Variants in WHRN observed in about 807,000 individuals in gnomAD.
The protein encoded by WHRN is whirlin.
In WHRN, 41 loss-of-function variants were observed where a neutral mutation model predicts 68.3. That is an observed-to-expected ratio of 0.60 (90% CI 0.47 to 0.78). The LOEUF (loss-of-function observed/expected upper bound fraction) is 0.78, where lower values mean the gene tolerates loss of function less well. Ranked by LOEUF, WHRN falls within the 30% of genes least tolerant of loss-of-function variation. The pLI, the probability that WHRN is intolerant of heterozygous loss-of-function variation, is 0.00. For missense variants in WHRN, 1,243 were observed against 1,244.7 expected, an observed-to-expected ratio of 1.00 and a Z score of 0.02; for synonymous variants, 560 against 561.3, an observed-to-expected ratio of 1.00 and a Z score of 0.03.
Position 114,445,885 on chromosome 9 carries a change from C to T in WHRN, c.964-19472G>A, listed in dbSNP as rs117025538. On this transcript the variant is annotated intron_variant, in intron 3 of 11. Coordinates refer to ENST00000362057, the MANE Select transcript of WHRN (RefSeq NM_015404.4). ...TTTAAATCCTGATTTCAATTAGAAA[C>T]AGCTAAATGCCTGACTTCAAGGGAA... Among the ~76,000 whole-genome samples the T allele has an allele frequency of 9.2e-5, 14 of 152,240 alleles. 1 individual carries two copies. The East Asian group carries it at 2.7e-3, about 29-fold the overall frequency.
At chr9:114,500,020 TGATTTAAAGAG>T (rs1279191915) in intron 1 of WHRN, among the ~76,000 whole-genome samples, 1 of 152,364 alleles carries the variant, frequency 6.6e-6, no homozygotes, top group East Asian at 1.9e-4. Flanking sequence ...AATGCTTCTT[TGATTTAAAGAG>T]TAAATAACCA....
rs1319804059 is a variant in WHRN, at chr9:114,423,409, G to A, written c.1531C>T (p.Pro511Ser). 2 of 1,613,928 alleles carry A rather than the reference G, an allele frequency of 1.2e-6. No homozygotes were observed. The highest frequency in any genetic ancestry group is 1.3e-5 in the African/African-American group (1 of 74,878). Residue 511 changes from proline (P) to serine (S), a missense_variant, in exon 7 of 12, where the codon CCC (proline) becomes TCC (serine). By Grantham distance (74) the Pro-to-Ser change is moderately conservative. Transcript: ENST00000362057. The part of the protein sequence containing the change: ...ESMKARQPPG[P>S]GAGDTYSMVS... ...ATGGAGTAGGTGTCCCCAGCCCCGG[G>A]GCCTGGGGGCTGCCGCGCCTTCATG...
At position 114,403,222 on chromosome 9, in the gene WHRN, T is replaced by A; in HGVS notation, c.2536A>T (p.Ile846Phe). ...TGGGGCCCCTGGGGACATACCTGAATAGTGACAATCCTAGGCAGGGGCTGG... is the reference window on the plus strand; with the variant it reads ...TGGGGCCCCTGGGGACATACCTGAAAAGTGACAATCCTAGGCAGGGGCTGG... ...TRQPLPRIVT[I>F]QRGGSAHNCG... The change falls in exon 11 of 12, where the codon ATT (isoleucine) becomes TTT (phenylalanine). Residue 846 changes from isoleucine to phenylalanine, a missense_variant. By Grantham distance (21) the Ile-to-Phe change is conservative. Transcript: ENST00000362057. 1.2e-6 allele frequency: 2 copies of A among 1,614,076 alleles called. No homozygotes were observed. Among genetic ancestry groups the A allele is most frequent in the Non-Finnish European group, 1.7e-6 (2 of 1,179,990 alleles).
intron 1 of WHRN, among the ~76,000 whole-genome samples, chr9:114,480,017 C>T (rs1213873078): frequency 2.0e-5 from 3 of 152,090 alleles, no homozygotes; most frequent in African/African-American, 4.8e-5. Flanking sequence ...GAGCTGAGAT[C>T]GTGCCACTGC....
intron 1 of WHRN, among the ~76,000 whole-genome samples, chr9:114,493,486 T>G (rs1843181267): frequency 6.6e-6 from 1 of 152,094 alleles, no homozygotes; most frequent in Non-Finnish European, 1.5e-5. Context: ...GTCCAGTCTG[T>G]GACAGCAGAG....
In WHRN at chr9:114,402,442, T is replaced by C; in HGVS notation, c.*312A>G. On this transcript the variant is annotated 3_prime_UTR_variant, in exon 12 of 12. Transcript: ENST00000362057. ...GTCCTAGCTGGAGGGGGGACAGCAG[T>C]GCCCCCAACCCAACCTGGAGAAACC... 1 of 423,492 alleles carries C rather than the reference T, an allele frequency of 2.4e-6. No homozygotes were observed. The highest frequency in any genetic ancestry group is 3.5e-5 in the Admixed American group (1 of 28,356). The allele number at this position is 423,492 out of a possible 1,614,324, so 26.2% of individuals were successfully genotyped here.
intron 7 of WHRN, among the ~76,000 whole-genome samples, chr9:114,420,184 T>C (rs187549072): frequency 1.3e-5 from 2 of 152,054 alleles, no homozygotes; most frequent in East Asian, 3.9e-4. Flanking sequence ...CACACACACA[T>C]GCAAAATCCA....
rs186225322 is a variant in WHRN at position 114,409,296 on chromosome 9, C to A, written c.1627-1278G>T. Among the ~76,000 whole-genome samples, 21 of 152,300 alleles carry A rather than the reference C, an allele frequency of 1.4e-4. No homozygotes were observed. In the East Asian group the frequency reaches 3.9e-3, roughly 28 times the overall value. On this transcript the variant is annotated intron_variant, in intron 7 of 11. Transcript: ENST00000362057. ...GCTCAGAGACAATGGGGTCAGTCGA[C>A]AAGCAAACAAGCAACAGGGAGACTG... is the stretch of plus-strand genomic sequence containing the variant.
intron 3 of WHRN, among the ~76,000 whole-genome samples, chr9:114,465,176 C>T (rs1019424888): frequency 3.3e-5 from 5 of 152,354 alleles, no homozygotes; most frequent in South Asian, 2.1e-4. Context: ...GAGAACCTGA[C>T]AGACGTATCG....
intron 3 of WHRN, among the ~76,000 whole-genome samples, chr9:114,459,031 G>A (rs1341504819): frequency 6.6e-6 from 1 of 152,234 alleles, no homozygotes; most frequent in Non-Finnish European, 1.5e-5. Context: ...GTGGAGCTGG[G>A]ATGGGGATCT....
chr9:114,485,853 TA>T (rs199717130), intron 1 of WHRN, among the ~76,000 whole-genome samples: 159 of 151,542 alleles, frequency 1.0e-3, no homozygotes, highest in Admixed American at 2.7e-3. Flanking sequence ...ATTTTTTTTT[TA>T]AAATTTAAAA....
intron 7 of WHRN, among the ~76,000 whole-genome samples, chr9:114,418,015 G>A (rs577253832): frequency 1.4e-4 from 21 of 152,312 alleles, no homozygotes; most frequent in African/African-American, 4.8e-4. Context: ...GTGGAGTACC[G>A]GTGTGGGGGT....
intron 2 of WHRN, among the ~76,000 whole-genome samples, chr9:114,477,810 C>A (rs1841773810): frequency 3.3e-5 from 5 of 152,222 alleles, no homozygotes; most frequent in Admixed American, 3.3e-4. Flanking sequence ...GCCCAAGATT[C>A]ACACTGCACA....
chr9:114,497,580 CA>C, intron 1 of WHRN, among the ~76,000 whole-genome samples: 1 of 151,742 alleles, frequency 6.6e-6, no homozygotes, highest in East Asian at 1.9e-4. Flanking sequence ...ATATCTCACC[CA>C]AAATTGGTTC....
intron 6 of WHRN, among the ~76,000 whole-genome samples, chr9:114,423,893 G>C (rs770175916): frequency 5.3e-5 from 8 of 152,112 alleles, no homozygotes; most frequent in Non-Finnish European, 1.0e-4. Context: ...ACCCCTCCCA[G>C]TGGATTTCAC....
chr9:114,406,414 A>C lies in WHRN; in HGVS notation c.2177T>G (p.Val726Gly). The C allele has an allele frequency of 6.2e-7, 1 of 1,613,678 alleles. No homozygotes were observed. The highest frequency in any genetic ancestry group is 8.5e-7 in the Non-Finnish European group (1 of 1,179,948). ...GTNQHFVMVE[V>G]HRPDSEPDVN... ...GTCTGGCTCGCTGTCGGGGCGGTGG[A>C]CCTCCACCATGACAAAGTGCTGGTT... The change falls in exon 9 of 12, where the codon GTC becomes GGC. Residue 726 changes from valine (V) to glycine (G), a missense_variant. By Grantham distance (109) the Val-to-Gly change is moderately radical (BLOSUM62 -3). Transcript: ENST00000362057.
chr9:114,431,681 C>A (rs1193037375), intron 3 of WHRN, among the ~76,000 whole-genome samples: 1 of 152,230 alleles, frequency 6.6e-6, no homozygotes, highest in Non-Finnish European at 1.5e-5. Context: ...ACTAAGAGCT[C>A]TGTTTGTTTG....
At chr9:114,465,181 G>T (rs999433001) in intron 3 of WHRN, among the ~76,000 whole-genome samples, 7 of 152,176 alleles carry the variant, frequency 4.6e-5, no homozygotes, top group African/African-American at 1.7e-4. Context: ...CCTGACAGAC[G>T]TATCGTCTCT....
intron 2 of WHRN, among the ~76,000 whole-genome samples, chr9:114,467,126 C>CT (rs946546819): frequency 6.7e-6 from 1 of 149,208 alleles, no homozygotes; most frequent in Non-Finnish European, 1.5e-5. Flanking sequence ...CTCCTGGGGT[C>CT]TCCTGCCTCC....
Sources: allele counts gnomAD v4.1 joint callset (sites outside exome capture counted in the v4.1 genomes callset), GRCh38; gene constraint gnomAD v4.1.1; transcripts MANE v1.5; gene names NCBI Gene and HGNC (gene_info 2026-07-23, HGNC 2026-07-21).